Variants in COL25A1 observed in about 807,000 individuals in gnomAD.
The protein encoded by COL25A1 is collagen type XXV alpha 1 chain.
A neutral mutation model predicts 128.4 loss-of-function variants in COL25A1; 103 were observed. The observed-to-expected ratio is 0.80, with a 90% confidence interval of 0.68 to 0.94. The LOEUF (loss-of-function observed/expected upper bound fraction) is 0.94, where lower values mean the gene tolerates loss of function less well. Among genes scored for constraint, COL25A1 ranks in the 40% least tolerant of loss-of-function variants. The pLI is 0.00. For missense variants in COL25A1, 745 were observed against 840.0 expected, an observed-to-expected ratio of 0.89 and a Z score of 1.40; for synonymous variants, 279 against 277.2, an observed-to-expected ratio of 1.01 and a Z score of -0.06.
chr4:108,818,526 G>A (rs540723724), intron 36 of COL25A1, among the ~76,000 whole-genome samples: 1 of 152,212 alleles, frequency 6.6e-6, no homozygotes, highest in South Asian at 2.1e-4. Flanking sequence ...ATGCCAGATT[G>A]GTACAAGGAG....
intron 3 of COL25A1, among the ~76,000 whole-genome samples, chr4:109,099,012 G>A (rs959139410): frequency 2.0e-5 from 3 of 152,146 alleles, no homozygotes; most frequent in Non-Finnish European, 4.4e-5. Flanking sequence ...TTCACAGGAG[G>A]TTATCCATGT....
intron 19 of COL25A1, among the ~76,000 whole-genome samples, chr4:108,875,824 A>G (rs1446910035): frequency 6.6e-6 from 1 of 152,194 alleles, no homozygotes; most frequent in African/African-American, 2.4e-5. Context: ...AATGTCCATC[A>G]ATGAGAGACT....
intron 3 of COL25A1, among the ~76,000 whole-genome samples, chr4:109,167,936 C>A (rs920462606): frequency 9.9e-5 from 15 of 152,052 alleles, no homozygotes; most frequent in African/African-American, 3.6e-4. Context: ...TTTGTCAAAA[C>A]TGTTTATCTT....
intron 5 of COL25A1, among the ~76,000 whole-genome samples, chr4:109,044,087 T>C (rs902900275): frequency 4.9e-5 from 6 of 121,778 alleles, no homozygotes; most frequent in African/African-American, 1.6e-4. Flanking sequence ...ACTCCTCTGA[T>C]AGTGTGTGTG....
chr4:109,301,599 C>T lies in COL25A1; in HGVS notation c.297+124G>A, dbSNP rs563154826. ...AGCATAGATCCTTGGCCAACACATG[C>T]ACGCGCGCGCACACACACAGCCACA... On this transcript the variant is annotated intron_variant, in intron 2 of 37. Transcript: ENST00000399132. The T allele has an allele frequency of 4.0e-5, 42 of 1,055,888 alleles. No homozygotes were observed. The Admixed American group carries it at 9.2e-4, about 23-fold the overall frequency. 65.4% of individuals were successfully genotyped at this position (1,055,888 alleles called of 1,614,324 possible).
At chr4:109,093,395 G>T (rs72617749) in intron 3 of COL25A1, among the ~76,000 whole-genome samples, 2 of 149,788 alleles carry the variant, frequency 1.3e-5, no homozygotes, top group African/African-American at 5.0e-5. Flanking sequence ...CAAAGTGAAA[G>T]GGTCACTTGA....
chr4:109,007,405 A>G (rs1355877113), intron 6 of COL25A1, among the ~76,000 whole-genome samples: 1 of 152,206 alleles, frequency 6.6e-6, no homozygotes, highest in Non-Finnish European at 1.5e-5. Flanking sequence ...TAGATTTTGG[A>G]AAAATATTAT....
At chr4:108,885,105 T>C (rs533297436) in intron 18 of COL25A1, among the ~76,000 whole-genome samples, 3 of 152,298 alleles carry the variant, frequency 2.0e-5, no homozygotes, top group East Asian at 1.9e-4. Flanking sequence ...AAAAGGGTGA[T>C]ACTACTTCGT....
intron 3 of COL25A1, among the ~76,000 whole-genome samples, chr4:109,074,202 G>C (rs1380864388): frequency 1.3e-5 from 2 of 152,178 alleles, no homozygotes; most frequent in African/African-American, 4.8e-5. Context: ...GTGGGGCTCA[G>C]GTAGTAATGT....
At chr4:109,114,258 A>C (rs1371244198) in intron 3 of COL25A1, among the ~76,000 whole-genome samples, 2 of 152,078 alleles carry the variant, frequency 1.3e-5, no homozygotes, top group African/African-American at 2.4e-5. Flanking sequence ...ATTAACCTTT[A>C]ATTATGTGCT....
intron 3 of COL25A1, among the ~76,000 whole-genome samples, chr4:109,109,644 G>C (rs550153918): frequency 6.6e-6 from 1 of 152,294 alleles, no homozygotes; most frequent in Non-Finnish European, 1.5e-5. Context: ...GTTCATGGTT[G>C]TCACCAGGTG....
chr4:109,276,505 T>G (rs1219836608), intron 3 of COL25A1, among the ~76,000 whole-genome samples: 1 of 152,022 alleles, frequency 6.6e-6, no homozygotes, highest in Non-Finnish European at 1.5e-5. Context: ...TATAATTCTT[T>G]GGGGGGAAAT....
intron 3 of COL25A1, among the ~76,000 whole-genome samples, chr4:109,122,253 A>T (rs1768168335): frequency 6.6e-6 from 1 of 151,986 alleles, no homozygotes; most frequent in Non-Finnish European, 1.5e-5. Context: ...CCAAGAGGGA[A>T]CCCTAATGTA....
At chr4:109,083,068 C>T (rs987997826) in intron 3 of COL25A1, among the ~76,000 whole-genome samples, 1 of 152,160 alleles carries the variant, frequency 6.6e-6, no homozygotes, top group African/African-American at 2.4e-5. Flanking sequence ...AGGGCACAAG[C>T]AGCTTTAAAA....
rs116009859 is a variant in COL25A1 at position 109,014,770 on chromosome 4, A to G, written c.421-4395T>C. Among the ~76,000 whole-genome samples, 940 of 152,320 alleles carry G rather than the reference A, an allele frequency of 6.2e-3. 13 individuals are homozygous for G. The highest frequency in any genetic ancestry group is 0.022 in the African/African-American group (897 of 41,570). ...TGGTGTGTGTGTTGGGGGAGGGAAC[A>G]TGAAAAGGAGGGAAAAGAGGAAGTG... On this transcript the variant is annotated intron_variant, in intron 5 of 37. Transcript: ENST00000399132.
intron 3 of COL25A1, among the ~76,000 whole-genome samples, chr4:109,283,467 T>C (rs565075499): frequency 6.6e-6 from 1 of 152,250 alleles, no homozygotes; most frequent in South Asian, 2.1e-4. Flanking sequence ...CTCACCATGT[T>C]GCCCAGGCTG....
At chr4:109,189,867 CAT>C (rs1384895321) in intron 3 of COL25A1, among the ~76,000 whole-genome samples, 41 of 152,060 alleles carry the variant, frequency 2.7e-4, no homozygotes, top group African/African-American at 9.4e-4. Context: ...AGCTTTTTTA[CAT>C]TAAGTTTAAC....
chr4:108,949,489 C>T (rs966799588), intron 8 of COL25A1, among the ~76,000 whole-genome samples: 20 of 152,064 alleles, frequency 1.3e-4, no homozygotes, highest in Non-Finnish European at 2.4e-4. Flanking sequence ...CCCTGACAAC[C>T]TGCTCCAGTG....
At chr4:109,265,300 G>C (rs534099210) in intron 3 of COL25A1, among the ~76,000 whole-genome samples, 7 of 152,266 alleles carry the variant, frequency 4.6e-5, no homozygotes, top group African/African-American at 1.7e-4. Context: ...CTACAGCTTT[G>C]AATTAATGAT....
Sources: allele counts gnomAD v4.1 joint callset (sites outside exome capture counted in the v4.1 genomes callset), GRCh38; gene constraint gnomAD v4.1.1; transcripts MANE v1.5; gene names NCBI Gene and HGNC (gene_info 2026-07-23, HGNC 2026-07-21).